The following BACH2 variants were observed in gnomAD, a reference collection of about 807,000 sequenced individuals.
BACH2 encodes BACH transcriptional regulator 2.
A neutral mutation model predicts 61.8 loss-of-function variants in BACH2; 5 were observed. The observed-to-expected ratio is 0.08, with a 90% CI of 0.04 to 0.17. The LOEUF is 0.17. Among genes scored for constraint, BACH2 ranks in the 10% least tolerant of loss-of-function variants. The pLI is 1.00. For synonymous variants in BACH2, 446 were observed against 440.1 expected (o/e 1.01, Z -0.17); for missense variants, 824 against 1,091.1 (o/e 0.76, Z 3.45).
chr6:90,218,444 GCGCACATTCCC>G (rs1320813759), intron 3 of BACH2, among the ~76,000 whole-genome samples: 1 of 151,718 alleles, frequency 6.6e-6, no homozygotes, highest in Non-Finnish European at 1.5e-5. Context: ...CAGCAGGGCA[GCGCACATTCCC>G]CTGGCTTCCC....
chr6:90,110,521 T>A (rs1475054584), intron 4 of BACH2, among the ~76,000 whole-genome samples: 1 of 152,212 alleles, frequency 6.6e-6, no homozygotes, highest in Non-Finnish European at 1.5e-5. Context: ...AATATCACCA[T>A]CAATCTCGTC....
chr6:89,926,929 A>G lies in BACH2; in HGVS notation c.*5479T>C, dbSNP rs973414751. On this transcript the variant is annotated 3_prime_UTR_variant, in exon 9 of 9. Transcript: ENST00000257749. ...AACCTGTTACAGTCGTTGACCAGTTATGAGAGGTACAGAGGGTTATACAGG... is the reference window on the plus strand; with the variant it reads ...AACCTGTTACAGTCGTTGACCAGTTGTGAGAGGTACAGAGGGTTATACAGG... 6.5e-6 allele frequency: 1 copy of G among 152,814 alleles called. No homozygotes were observed. Among genetic ancestry groups the G allele is most frequent in the East Asian group, 1.9e-4 (1 of 5,342 alleles). 9.5% of individuals were successfully genotyped at this position (152,814 alleles called of 1,614,324 possible).
chr6:89,999,877 A>G (rs924470281), intron 6 of BACH2, among the ~76,000 whole-genome samples: 1 of 152,256 alleles, frequency 6.6e-6, no homozygotes. Flanking sequence ...GTCATCCTAC[A>G]TCAGATAGGG....
At chr6:90,045,569 G>T (rs75340880) in intron 5 of BACH2, among the ~76,000 whole-genome samples, 1 of 152,152 alleles carries the variant, frequency 6.6e-6, no homozygotes, top group Non-Finnish European at 1.5e-5. Flanking sequence ...AATCTTTGCC[G>T]TAAGTCCGAG....
chr6:90,235,768 C>A (rs1770241053), intron 3 of BACH2, among the ~76,000 whole-genome samples: 4 of 152,236 alleles, frequency 2.6e-5, no homozygotes, highest in Admixed American at 2.6e-4. Context: ...GATGCATTTA[C>A]TCAGAATTTA....
At chr6:90,239,601 G>A (rs906690098) in intron 3 of BACH2, among the ~76,000 whole-genome samples, 16 of 151,936 alleles carry the variant, frequency 1.1e-4, no homozygotes, top group Admixed American at 9.8e-4. Context: ...ATAATCTCTG[G>A]CAATATGCAC....
At chr6:89,938,839 T>C (rs1039610444) in intron 7 of BACH2, among the ~76,000 whole-genome samples, 16 of 152,070 alleles carry the variant, frequency 1.1e-4, no homozygotes, top group African/African-American at 3.6e-4. Flanking sequence ...ATATGGGAGA[T>C]AGGAGGAGAT....
chr6:90,274,336 A>AAAAACAAAAC (rs1006965310), intron 1 of BACH2, among the ~76,000 whole-genome samples: 1 of 152,218 alleles, frequency 6.6e-6, no homozygotes, highest in African/African-American at 2.4e-5. Context: ...CACACACAAC[A>AAAAACAAAAC]AAAACAAAAC....
chr6:89,932,476 C>G lies in BACH2; in HGVS notation c.2458G>C (p.Val820Leu), dbSNP rs142254303. The G allele has an allele frequency of 1.2e-6, 2 of 1,613,990 alleles. No individual in the cohort carries two copies. The highest frequency in any genetic ancestry group is 1.7e-6 in the Non-Finnish European group (2 of 1,180,016). The change falls in exon 9 of 9, where the codon GTG (valine) becomes CTG (leucine). Residue 820 changes from valine (V) to leucine (L), a missense_variant. Around this residue, in one of 8 missense-constraint regions of BACH2, gnomAD observed 135 missense variants for 142.7 expected, o/e 0.95. Coordinates refer to ENST00000257749, the MANE Select transcript of BACH2 (RefSeq NM_021813.4). Reference protein sequence around the residue: ...PLEPRSQTVTVDFCQEMTDKC... With the variant: ...PLEPRSQTVTLDFCQEMTDKC... ...TCAGTCATTTCCTGGCAGAAGTCCA[C>G]GGTCACTGTTTGGCTCCTGGGTTCA...
At chr6:90,016,259 T>A (rs1335102566) in intron 5 of BACH2, among the ~76,000 whole-genome samples, 1 of 152,236 alleles carries the variant, frequency 6.6e-6, no homozygotes, top group Non-Finnish European at 1.5e-5. Context: ...AACATGTATG[T>A]TTAATGTGAC....
At chr6:90,216,355 G>A (rs1769535588) in intron 3 of BACH2, among the ~76,000 whole-genome samples, 1 of 152,224 alleles carries the variant, frequency 6.6e-6, no homozygotes, top group Admixed American at 6.5e-5. Context: ...CTGCTGCCTT[G>A]CCCTCTTTCT....
At chr6:90,024,583 C>T (rs1211034218) in intron 5 of BACH2, among the ~76,000 whole-genome samples, 2 of 152,112 alleles carry the variant, frequency 1.3e-5, no homozygotes, top group Non-Finnish European at 2.9e-5. Context: ...GTTCTAGTTT[C>T]TATGGTTCTA....
intron 2 of BACH2, among the ~76,000 whole-genome samples, chr6:90,263,410 A>G (rs557852533): frequency 2.0e-5 from 3 of 152,344 alleles, no homozygotes; most frequent in South Asian, 2.1e-4. Flanking sequence ...ATCCCCAAAC[A>G]TAATTCTTCT....
intron 3 of BACH2, among the ~76,000 whole-genome samples, chr6:90,251,804 G>GC (rs1770820035): frequency 6.6e-6 from 1 of 152,070 alleles, no homozygotes; most frequent in African/African-American, 2.4e-5. Context: ...AGTTAATTTT[G>GC]TTTTATAGTT....
intron 3 of BACH2, among the ~76,000 whole-genome samples, chr6:90,211,236 A>T (rs1419583090): frequency 6.7e-6 from 1 of 148,968 alleles, no homozygotes; most frequent in African/African-American, 2.4e-5. Context: ...AAAGGGCGGC[A>T]AGCAAACAAA....
rs749061519 is a variant in BACH2 at position 89,951,786 on chromosome 6, C to T, written c.320G>A (p.Arg107His). The T allele has an allele frequency of 8.7e-6, 14 of 1,614,110 alleles. No homozygotes were observed. The highest frequency in any genetic ancestry group is 1.1e-5 in the South Asian group (1 of 91,082). ...AKLLLSRENI[R>H]EVIRCAEFLR... ...GAACTCAGCACAGCGGATGACCTCG[C>T]GGATGTTTTCTCTGCTGAGTAACAG... is the stretch of plus-strand genomic sequence containing the variant. Residue 107 changes from arginine (R) to histidine (H), a missense_variant, in exon 7 of 9, where the codon CGC becomes CAC. Arg to His is a conservative substitution (Grantham distance 29, BLOSUM62 0). This residue lies in a region of BACH2 where 66 missense variants were observed against 144.8 expected (regional missense o/e 0.46). Transcript: ENST00000257749. The surrounding 1 kb of genome is among the most constrained non-coding windows in gnomAD (Gnocchi z 6.4).
chr6:90,128,872 C>G (rs903733195), intron 4 of BACH2, among the ~76,000 whole-genome samples: 3 of 152,154 alleles, frequency 2.0e-5, no homozygotes, highest in East Asian at 1.9e-4. Flanking sequence ...CCATGGAATA[C>G]TATGCAGCCA....
chr6:89,948,298 C>T (rs1773867832), intron 7 of BACH2, among the ~76,000 whole-genome samples: 1 of 152,146 alleles, frequency 6.6e-6, no homozygotes, highest in African/African-American at 2.4e-5. Flanking sequence ...CCTCCTTCTC[C>T]TGGGCTCAAG....
intron 6 of BACH2, among the ~76,000 whole-genome samples, chr6:89,986,448 T>C (rs1582144744): frequency 6.6e-6 from 1 of 152,292 alleles, no homozygotes; most frequent in Non-Finnish European, 1.5e-5. Flanking sequence ...AGCTTCCATT[T>C]CTGGTTTTTA....
Sources: allele counts gnomAD v4.1 joint callset (sites outside exome capture counted in the v4.1 genomes callset), GRCh38; gene constraint gnomAD v4.1.1; regional missense constraint gnomAD v4.1.1; non-coding constraint Gnocchi (gnomAD v3.1); transcripts MANE v1.5; gene names NCBI Gene and HGNC (gene_info 2026-07-23, HGNC 2026-07-21).